Variants in RBM33 observed in about 807,000 individuals in gnomAD.
The protein encoded by RBM33 is RNA-binding protein 33.
A neutral mutation model predicts 132.6 loss-of-function variants in RBM33; 28 were observed. The ratio of observed to expected loss-of-function variants is 0.21; its 90% CI spans 0.16 to 0.29. The LOEUF (loss-of-function observed/expected upper bound fraction) is 0.29. Ranked by LOEUF, RBM33 falls within the 10% of genes least tolerant of loss-of-function variation. RBM33 has a pLI of 1.00. For synonymous variants in RBM33, 634 were observed against 593.0 expected, an observed-to-expected ratio of 1.07 and a Z score of -1.01; for missense variants, 1,291 against 1,518.5, an observed-to-expected ratio of 0.85 and a Z score of 2.49.
At chr7:155,707,168 A>T in intron 7 of RBM33, 100 bp downstream of exon 7, 1 of 1,058,696 alleles carries the variant, frequency 9.4e-7, no homozygotes, top group Non-Finnish European at 1.4e-6. Context: ...CTTAGTCTGA[A>T]ATGAAAGGTT....
chr7:155,745,078 A>G lies in RBM33; in HGVS notation c.2455A>G (p.Arg819Gly). 2 of 1,604,184 alleles carry G rather than the reference A, an allele frequency of 1.2e-6. No homozygotes were observed. Among genetic ancestry groups the G allele is most frequent in the Non-Finnish European group, 1.7e-6 (2 of 1,174,966 alleles). ...ELRRQQQAGA[R>G]KKELLERLAQ... ...ACGGCGGCAGCAGCAGGCTGGTGCC[A>G]GGAAGAAGGAGCTGCTGGAGAGACT... Residue 819 changes from arginine (R) to glycine (G), a missense_variant, in exon 14 of 18, where the codon AGG becomes GGG. Arg to Gly is a moderately radical substitution (Grantham distance 125, BLOSUM62 -2). Transcript: ENST00000401878. The surrounding 1 kb of genome is among the most constrained non-coding windows in gnomAD (Gnocchi z 4.1).
Position 155,772,531 on chromosome 7 carries a change from C to T in RBM33, c.3376-2028C>T, listed in dbSNP as rs1802465002. 2.0e-5 allele frequency among the ~76,000 whole-genome samples: 3 copies of T among 152,180 alleles called. No individual in the cohort carries two copies. In the South Asian group the frequency reaches 6.2e-4, roughly 32 times the overall value. ...GGCGGAATTTCAAAGTCCAGAAAGCCATATTGCAAGCCATATTGCTGAGAA... is the reference window on the plus strand; with the variant it reads ...GGCGGAATTTCAAAGTCCAGAAAGCTATATTGCAAGCCATATTGCTGAGAA... On this transcript the variant is annotated intron_variant, in intron 16 of 17. Coordinates refer to ENST00000401878, the MANE Select transcript of RBM33 (RefSeq NM_053043.3).
chr7:155,774,413 G>A lies in RBM33; in HGVS notation c.3376-146G>A, dbSNP rs1802537624. ...CTAGATAAGTAAGACAAATTGCCAGGGAGCTAGAAAGGAAAATCAATTAGT... is the reference window on the plus strand; with the variant it reads ...CTAGATAAGTAAGACAAATTGCCAGAGAGCTAGAAAGGAAAATCAATTAGT... On this transcript the variant is annotated intron_variant, in intron 16 of 17. Coordinates refer to ENST00000401878, the MANE Select transcript of RBM33 (RefSeq NM_053043.3). This position sits in a 1 kb window ranked among gnomAD's most constrained non-coding sequence, Gnocchi z 4.2. 1.7e-6 allele frequency: 1 copy of A among 596,846 alleles called. No individual in the cohort carries two copies. The highest frequency in any genetic ancestry group is 2.9e-6 in the Non-Finnish European group (1 of 340,932). The allele number at this position is 596,846 out of a possible 1,614,324, so 37.0% of individuals were successfully genotyped here. A position where few individuals can be genotyped will look rare whatever the true frequency, so the allele number is the denominator to read the frequency against.
intron 16 of RBM33, among the ~76,000 whole-genome samples, chr7:155,772,235 G>A (rs1334492319): frequency 1.3e-5 from 2 of 152,154 alleles, no homozygotes; most frequent in African/African-American, 4.8e-5. Flanking sequence ...AGAGAACCCC[G>A]GAGGCACGGC....
chr7:155,760,486 G>A (rs1181836536), intron 14 of RBM33, among the ~76,000 whole-genome samples: 1 of 152,208 alleles, frequency 6.6e-6, no homozygotes, highest in African/African-American at 2.4e-5. Context: ...GGACCTGGAG[G>A]TTGGTGTGAA....
chr7:155,758,551 G>A (rs917195682), intron 14 of RBM33, among the ~76,000 whole-genome samples: 7 of 152,330 alleles, frequency 4.6e-5, no homozygotes, highest in African/African-American at 1.7e-4. Context: ...TTGCCTGCCT[G>A]CTGCTCACCT....
intron 8 of RBM33, among the ~76,000 whole-genome samples, chr7:155,712,095 C>G (rs186455098): frequency 1.3e-5 from 2 of 152,230 alleles, no homozygotes; most frequent in East Asian, 3.9e-4. Context: ...CACTAGAGAC[C>G]GCTATTGGAA....
At chr7:155,772,880 G>T (rs1563185841) in intron 16 of RBM33, among the ~76,000 whole-genome samples, 1 of 152,228 alleles carries the variant, frequency 6.6e-6, no homozygotes, top group Non-Finnish European at 1.5e-5. Flanking sequence ...AGCACTGGAA[G>T]ACACCTTTTT....
In RBM33 at chr7:155,763,889, G is replaced by C. The variant is rs368287857; in HGVS notation, c.3057G>C (p.Gln1019His). Residue 1019 changes from glutamine to histidine, a missense_variant, in exon 15 of 18, where the codon CAG (glutamine) becomes CAC (histidine). Coordinates refer to ENST00000401878, the MANE Select transcript of RBM33 (RefSeq NM_053043.3). ...RLPQPPEVGP[Q>H]PARKVTLTRG... ...CCCAGCCTCCGGAAGTGGGACCACA[G>C]CCTGCCCGCAAGGTGACGCTGACCA... The C allele has an allele frequency of 6.2e-7, 1 of 1,610,988 alleles. No individual in the cohort carries two copies. The highest frequency in any genetic ancestry group is 1.3e-5 in the African/African-American group (1 of 74,888).
intron 14 of RBM33, among the ~76,000 whole-genome samples, chr7:155,749,974 G>A (rs943966552): frequency 1.3e-4 from 20 of 152,294 alleles, no homozygotes; most frequent in African/African-American, 4.6e-4. Flanking sequence ...TTGTTATGAG[G>A]CTAATCAATT....
chr7:155,672,744 C>CA (rs559042068), intron 2 of RBM33, 123 bp from the exon 3 acceptor site: 5,274 of 350,550 alleles, frequency 0.015, 114 homozygotes, highest in African/African-American at 0.077. Flanking sequence ...GGCTTTGTCT[C>CA]AAAAAAAAAA....
intron 5 of RBM33, among the ~76,000 whole-genome samples, chr7:155,686,792 C>T (rs950033090): frequency 2.6e-5 from 4 of 152,176 alleles, no homozygotes; most frequent in African/African-American, 9.7e-5. Context: ...ATCCATGTCC[C>T]TGCAAAAGAC....
intron 11 of RBM33, 127 bp downstream of exon 11, chr7:155,738,530 C>A: frequency 1.1e-6 from 1 of 925,846 alleles, no homozygotes; most frequent in Non-Finnish European, 1.6e-6. Flanking sequence ...GTATTAGTCT[C>A]AAATGTACTG....
chr7:155,739,692 TTC>T, intron 11 of RBM33, 21 bp from the exon 12 acceptor site: 1 of 1,530,220 alleles, frequency 6.5e-7, no homozygotes, highest in South Asian at 1.2e-5. Flanking sequence ...GAACTGTTGT[TTC>T]TCTTTCTTTG....
chr7:155,706,103 G>A (rs1049424599), intron 6 of RBM33, among the ~76,000 whole-genome samples: 1 of 152,178 alleles, frequency 6.6e-6, no homozygotes, highest in Non-Finnish European at 1.5e-5. Flanking sequence ...ATGTGCCATC[G>A]TATGCTATTA....
chr7:155,665,339 C>T (rs555612124), intron 2 of RBM33, 86 bp downstream of exon 2: 11 of 1,206,938 alleles, frequency 9.1e-6, no homozygotes, highest in Non-Finnish European at 1.3e-5. Context: ...TTACTGAACG[C>T]AGCACCTTGA....
At chr7:155,700,976 T>C (rs1799944027) in intron 6 of RBM33, 32 bp downstream of exon 6, 1 of 1,545,542 alleles carries the variant, frequency 6.5e-7, no homozygotes, top group African/African-American at 1.4e-5. Context: ...CATCCTCCTT[T>C]ACTCTCATTT....
chr7:155,684,293 G>GACTTCCGCT (rs1799412249), intron 5 of RBM33, among the ~76,000 whole-genome samples: 1 of 152,158 alleles, frequency 6.6e-6, no homozygotes, highest in South Asian at 2.1e-4. Flanking sequence ...CCGCTGAGTA[G>GACTTCCGCT]GATCAGACGT....
At chr7:155,747,131 G>A (rs138991127) in intron 14 of RBM33, among the ~76,000 whole-genome samples, 93 of 152,304 alleles carry the variant, frequency 6.1e-4, no homozygotes, top group African/African-American at 2.2e-3. Flanking sequence ...CAGTAGGATA[G>A]TCTTTATCTG....
Sources: gnomAD v4.1 joint callset for allele counts (sites outside exome capture counted in the v4.1 genomes callset) on GRCh38, gnomAD v4.1.1 for gene constraint, Gnocchi (gnomAD v3.1) non-coding constraint, MANE v1.5 for transcripts, NCBI Gene and HGNC (gene_info 2026-07-23, HGNC 2026-07-21) for gene names.